The following KCNMA1 variants were observed in gnomAD, a reference collection of about 807,000 sequenced individuals.
KCNMA1 encodes potassium calcium-activated channel subfamily M alpha 1.
KCNMA1 carries 29 observed loss-of-function variants against 140.0 expected under a neutral mutation model. The ratio of observed to expected loss-of-function variants is 0.21; its 90% CI spans 0.15 to 0.28. The LOEUF is 0.28. KCNMA1 is among the 10% of genes least tolerant of loss of function. KCNMA1 has a pLI of 1.00. For synonymous variants in KCNMA1, 612 were observed against 611.9 expected, an observed-to-expected ratio of 1.00 and a Z score of 0.00; for missense variants, 880 against 1,602.2, an observed-to-expected ratio of 0.55 and a Z score of 7.70.
chr10:76,894,486 T>A (rs2041633723), intron 25 of KCNMA1, among the ~76,000 whole-genome samples: 1 of 152,114 alleles, frequency 6.6e-6, no homozygotes, highest in African/African-American at 2.4e-5. Flanking sequence ...TTGGACTTCA[T>A]AAAAATTTAA....
At position 77,112,083 on chromosome 10, in the gene KCNMA1, TA is replaced by T. The variant is rs375872842; in HGVS notation, c.960+283del. Among the ~76,000 whole-genome samples, 564 of 152,308 alleles carry T rather than the reference TA, an allele frequency of 3.7e-3. 5 individuals are homozygous for T. The highest frequency in any genetic ancestry group is 0.013 in the African/African-American group (540 of 41,560). On this transcript the variant is annotated intron_variant, in intron 7 of 27. Coordinates refer to ENST00000286628, the MANE Select transcript of KCNMA1 (RefSeq NM_001161352.2). The stretch of plus-strand genomic sequence containing the variant: ...AGCACTGCCATCTTGTGGCTTACTA[TA>T]GTTATTGCAGACAGAAGGAAAATCT...
chr10:77,406,330 G>A (rs747663448), intron 1 of KCNMA1, among the ~76,000 whole-genome samples: 1 of 152,088 alleles, frequency 6.6e-6, no homozygotes, highest in Non-Finnish European at 1.5e-5. Flanking sequence ...CAATAAGATG[G>A]GGACAGTACT....
intron 23 of KCNMA1, among the ~76,000 whole-genome samples, chr10:76,921,816 C>T (rs1564923304): frequency 1.3e-5 from 2 of 152,168 alleles, no homozygotes; most frequent in Admixed American, 6.5e-5. Context: ...AAGAAAAATC[C>T]AGCCAAAGGA....
chr10:76,988,262 C>T (rs1468108697), intron 19 of KCNMA1, among the ~76,000 whole-genome samples: 1 of 152,258 alleles, frequency 6.6e-6, no homozygotes, highest in East Asian at 1.9e-4. Context: ...CTTGGCCTTG[C>T]TCCAAGCACT....
At chr10:76,948,519 G>A (rs1565122616) in intron 22 of KCNMA1, among the ~76,000 whole-genome samples, 1 of 152,090 alleles carries the variant, frequency 6.6e-6, no homozygotes, top group Admixed American at 6.5e-5. Context: ...CTAAATTGTG[G>A]AGTCCCAGAC....
chr10:77,107,132 C>G (rs1346004182), intron 9 of KCNMA1, among the ~76,000 whole-genome samples: 1 of 152,172 alleles, frequency 6.6e-6, no homozygotes, highest in African/African-American at 2.4e-5. Flanking sequence ...ACACGGCTGA[C>G]TGTCAAAAAG....
intron 1 of KCNMA1, among the ~76,000 whole-genome samples, chr10:77,491,795 T>C (rs816849): frequency 0.11 from 16,217 of 151,860 alleles, 1,174 homozygotes; most frequent in African/African-American, 0.18. Context: ...AGTAGCCATT[T>C]GCCCCAGCAA....
chr10:77,215,726 C>G (rs762756059), intron 3 of KCNMA1, among the ~76,000 whole-genome samples: 1 of 152,074 alleles, frequency 6.6e-6, no homozygotes, highest in African/African-American at 2.4e-5. Flanking sequence ...TGTTGAAGCC[C>G]CAGTCCCCAG....
At chr10:77,228,962 T>C (rs1356825568) in intron 3 of KCNMA1, among the ~76,000 whole-genome samples, 1 of 152,258 alleles carries the variant, frequency 6.6e-6, no homozygotes, top group Non-Finnish European at 1.5e-5. Flanking sequence ...TTGTTAGTGT[T>C]ATTTGAAAGA....
chr10:77,496,003 T>A (rs1337075433), intron 1 of KCNMA1, among the ~76,000 whole-genome samples: 2 of 152,156 alleles, frequency 1.3e-5, no homozygotes, highest in African/African-American at 4.8e-5. Context: ...TGGGCAGCCA[T>A]CGGTCTGATA....
In KCNMA1 at chr10:77,403,929, C is replaced by A. The variant is rs1486355508; in HGVS notation, c.473G>T (p.Trp158Leu). 6.2e-7 allele frequency: 1 copy of A among 1,614,166 alleles called. No homozygotes were observed. The highest frequency in any genetic ancestry group is 1.7e-5 in the Admixed American group (1 of 60,034). The change falls in exon 2 of 28, where the codon TGG becomes TTG. Residue 158 changes from tryptophan (W) to leucine (L), a missense_variant. Physicochemically the swap from Trp to Leu is moderately conservative, Grantham distance 61. Coordinates refer to ENST00000286628, the MANE Select transcript of KCNMA1 (RefSeq NM_001161352.2). ...KEEAVAAEVGWMTSVKDWAGV... is the reference protein window; with the variant it reads ...KEEAVAAEVGLMTSVKDWAGV... The stretch of plus-strand genomic sequence containing the variant: ...CGCCCAGTCCTTCACGGAGGTCATC[C>A]AGCCGACCTCGGCGGCCACTGCCTC...
At chr10:77,433,651 T>C (rs374627041) in intron 1 of KCNMA1, 5 of 152,256 alleles carry the variant, frequency 3.3e-5, no homozygotes, top group East Asian at 3.8e-4. Context: ...CCTTCTTTTT[T>C]AGTTCAGCCA....
At chr10:77,536,800 G>A (rs1386934716) in intron 1 of KCNMA1, among the ~76,000 whole-genome samples, 1 of 152,172 alleles carries the variant, frequency 6.6e-6, no homozygotes, top group African/African-American at 2.4e-5. Flanking sequence ...CTCAATTGGT[G>A]TCATCACTGG....
At chr10:77,522,611 AG>A (rs1242238061) in intron 1 of KCNMA1, among the ~76,000 whole-genome samples, 2 of 152,146 alleles carry the variant, frequency 1.3e-5, no homozygotes, top group Admixed American at 6.5e-5. Flanking sequence ...GTGAGCTGGC[AG>A]GGGGGCCGGA....
At chr10:76,870,544 T>C (rs1158199514) in exon 28 of KCNMA1, 2 of 152,264 alleles carry the variant, frequency 1.3e-5, no homozygotes, top group Non-Finnish European at 2.9e-5. Context: ...TCACAATGCC[T>C]GTTCAGAAAA....
At chr10:77,556,712 G>T (rs1018340156) in intron 1 of KCNMA1, among the ~76,000 whole-genome samples, 1 of 151,994 alleles carries the variant, frequency 6.6e-6, no homozygotes, top group Admixed American at 6.6e-5. Context: ...TGGATCCCTG[G>T]GTCATGAGCA....
rs77728246 is a variant in KCNMA1 at position 76,971,986 on chromosome 10, T to G, written c.2267-1919A>C. 2.1e-3 allele frequency among the ~76,000 whole-genome samples: 318 copies of G among 151,896 alleles called. 10 individuals are homozygous for G. The East Asian group carries it at 0.051, about 24-fold the overall frequency. On this transcript the variant is annotated intron_variant, in intron 19 of 27. Coordinates refer to ENST00000286628, the MANE Select transcript of KCNMA1 (RefSeq NM_001161352.2). ...GCGAGGGTGTGTGGGTGTGTGTGTG[T>G]GTGTGTGTGTGTAGGTATGCTTTCG...
intron 5 of KCNMA1, among the ~76,000 whole-genome samples, chr10:77,169,360 T>A (rs2098677902): frequency 6.6e-6 from 1 of 151,930 alleles, no homozygotes; most frequent in Non-Finnish European, 1.5e-5. Context: ...GAGACTGAGT[T>A]TTTTGTTTGT....
At chr10:77,585,358 C>T (rs1032429586) in intron 1 of KCNMA1, among the ~76,000 whole-genome samples, 2 of 152,202 alleles carry the variant, frequency 1.3e-5, no homozygotes, top group Admixed American at 6.5e-5. Context: ...GTACTGATTT[C>T]ACCAGGCCGT....
Sources: gnomAD v4.1 joint callset for allele counts (sites outside exome capture counted in the v4.1 genomes callset) on GRCh38, gnomAD v4.1.1 for gene constraint, MANE v1.5 for transcripts, NCBI Gene and HGNC (gene_info 2026-07-23, HGNC 2026-07-21) for gene names.